Variants in CAT observed in about 807,000 individuals in gnomAD.
The protein encoded by CAT is catalase, also known as epididymis secretory sperm binding protein.
Under a neutral mutation model 59.0 loss-of-function variants are expected in CAT, and 43 were observed. That is an observed-to-expected ratio of 0.73 (90% confidence interval 0.57 to 0.94). The LOEUF is 0.94. Among genes scored for constraint, CAT ranks in the 40% least tolerant of loss-of-function variants. CAT has a pLI of 0.00. For synonymous variants in CAT, 218 were observed against 230.9 expected, an observed-to-expected ratio of 0.94 and a Z score of 0.51; for missense variants, 664 against 682.9, an observed-to-expected ratio of 0.97 and a Z score of 0.31.
At chr11:34,447,319 G>A (rs765339356) in intron 1 of CAT, among the ~76,000 whole-genome samples, 1 of 152,132 alleles carries the variant, frequency 6.6e-6, no homozygotes, top group Non-Finnish European at 1.5e-5. Context: ...GGTGATTTTA[G>A]TGCATTGCCA....
intron 2 of CAT, among the ~76,000 whole-genome samples, chr11:34,449,629 C>T (rs1434204588): frequency 1.3e-5 from 2 of 152,210 alleles, no homozygotes; most frequent in African/African-American, 4.8e-5. Flanking sequence ...TAAGTCCTCA[C>T]TTAACATCAA....
Position 34,451,099 on chromosome 11 carries a change from G to A in CAT, c.349+1G>A, listed in dbSNP as rs1453521724. 1.3e-6 allele frequency: 2 copies of A among 1,575,414 alleles called. No homozygotes were observed. Among genetic ancestry groups the A allele is most frequent in the Admixed American group, 1.7e-5 (1 of 59,988 alleles). ...ATCGCAGTTCGGTTCTCCACTGTTG[G>A]TAAGTTGGTTTATTGGCGTGATTGG... is the stretch of plus-strand genomic sequence containing the variant. On this transcript the variant is annotated splice_donor_variant, in intron 3 of 12. Coordinates refer to ENST00000241052, the MANE Select transcript of CAT (RefSeq NM_001752.4). LOFTEE classifies it high-confidence loss of function.
rs539018984 is a variant in CAT at position 34,467,260 on chromosome 11, T to C, written c.1327-1028T>C. ...CTGTGAAATAAAAAGTCAACAGATATAGTGACCCAGTCGATGTTTTCACGC... is the reference window on the plus strand; with the variant it reads ...CTGTGAAATAAAAAGTCAACAGATACAGTGACCCAGTCGATGTTTTCACGC... On this transcript the variant is annotated intron_variant, in intron 10 of 12. Coordinates refer to ENST00000241052, the MANE Select transcript of CAT (RefSeq NM_001752.4). Among the ~76,000 whole-genome samples, 5 of 152,312 alleles carry C rather than the reference T, an allele frequency of 3.3e-5. No homozygotes were observed. In the South Asian group the frequency reaches 1.0e-3, roughly 32 times the overall value.
chr11:34,460,117 A>G (rs2133856157), intron 8 of CAT, among the ~76,000 whole-genome samples: 1 of 152,330 alleles, frequency 6.6e-6, no homozygotes, highest in East Asian at 1.9e-4. Flanking sequence ...TTTAAGGTTC[A>G]AGGCCAATGA....
At position 34,465,321 on chromosome 11, in the gene CAT, G is replaced by A. The variant is rs184255376; in HGVS notation, c.1326+1086G>A. 7.9e-5 allele frequency among the ~76,000 whole-genome samples: 12 copies of A among 152,180 alleles called. No individual in the cohort carries two copies. In the East Asian group the frequency reaches 2.3e-3, roughly 29 times the overall value. ...ATATCTTTGCTTGAAAAGCATTTAC[G>A]TATATACATATATACGTATATATAA... On this transcript the variant is annotated intron_variant, in intron 10 of 12. Coordinates refer to ENST00000241052, the MANE Select transcript of CAT (RefSeq NM_001752.4).
intron 1 of CAT, among the ~76,000 whole-genome samples, chr11:34,439,728 C>G (rs1856363976): frequency 6.6e-6 from 1 of 152,126 alleles, no homozygotes; most frequent in Admixed American, 6.5e-5. Context: ...GTGCTAGGCA[C>G]TGTTCGGGGC....
chr11:34,456,749 G>A lies in CAT; in HGVS notation c.988G>A (p.Glu330Lys). Residue 330 changes from glutamate (E) to lysine (K), a missense_variant, in exon 8 of 13, where the codon GAA (glutamate) becomes AAA (lysine). Coordinates refer to ENST00000241052, the MANE Select transcript of CAT (RefSeq NM_001752.4). ...TCCAGTTAATTACTTTGCTGAGGTT[G>A]AACAGATAGCCTTCGACCCAAGCAA... Reference protein sequence around the residue: ...RNPVNYFAEVEQIAFDPSNMP... With the variant: ...RNPVNYFAEVKQIAFDPSNMP... 6.2e-7 allele frequency: 1 copy of A among 1,614,160 alleles called. No individual in the cohort carries two copies. Among genetic ancestry groups the A allele is most frequent in the Non-Finnish European group, 8.5e-7 (1 of 1,180,006 alleles).
chr11:34,455,934 C>A, intron 6 of CAT, 77 bp from the exon 7 acceptor site: 1 of 1,236,514 alleles, frequency 8.1e-7, no homozygotes, highest in Non-Finnish European at 1.2e-6. Context: ...ACTCATAATC[C>A]TTCAATGAAT....
chr11:34,438,943 A>AT lies in CAT; in HGVS notation c.-68dup. 1 of 1,372,326 alleles carries AT rather than the reference A, an allele frequency of 7.3e-7. No homozygotes were observed. Among genetic ancestry groups the AT allele is most frequent in the African/African-American group, 1.4e-5 (1 of 69,762 alleles). The allele number at this position is 1,372,326 out of a possible 1,614,324, so 85.0% of individuals were successfully genotyped here. On this transcript the variant is annotated 5_prime_UTR_variant, in exon 1 of 13. Coordinates refer to ENST00000241052, the MANE Select transcript of CAT (RefSeq NM_001752.4). ...GCCACGGACTCGGGGCAACAGGCAGATTTGCCTGCTGAGGGTGGAGACCCA... is the reference window on the plus strand; with the variant it reads ...GCCACGGACTCGGGGCAACAGGCAGATTTTGCCTGCTGAGGGTGGAGACCCA...
intron 1 of CAT, among the ~76,000 whole-genome samples, chr11:34,446,932 C>T (rs1394476305): frequency 6.6e-6 from 1 of 152,000 alleles, no homozygotes; most frequent in Non-Finnish European, 1.5e-5. Context: ...TTAGTAGAGA[C>T]AGGGTTTCTC....
In CAT at chr11:34,470,964, A is replaced by G; in HGVS notation, c.1441A>G (p.Asn481Asp). Residue 481 changes from asparagine (N) to aspartate (D), a missense_variant, in exon 12 of 13, where the codon AAC becomes GAC. Transcript: ENST00000241052. Reference sequence around the variant, plus strand: ...TATTTTCCTTTGGCCTTAGGTCAAGAACTTCACTGAGGTCCACCCTGACTA... The same window carrying G: ...TATTTTCCTTTGGCCTTAGGTCAAGGACTTCACTGAGGTCCACCCTGACTA... ...QIFIQKKAVK[N>D]FTEVHPDYGS... is the part of the protein sequence containing the mutation. 2 of 1,613,974 alleles carry G rather than the reference A, an allele frequency of 1.2e-6. No homozygotes were observed. Among genetic ancestry groups the G allele is most frequent in the Non-Finnish European group, 1.7e-6 (2 of 1,179,812 alleles).
At chr11:34,446,215 G>A (rs1012804226) in intron 1 of CAT, among the ~76,000 whole-genome samples, 51 of 152,070 alleles carry the variant, frequency 3.4e-4, no homozygotes, top group African/African-American at 1.2e-3. Context: ...GTTGCTGACT[G>A]TTGAAGCTTT....
In CAT at chr11:34,452,121, T is replaced by G. The variant is rs1590302161; in HGVS notation, c.394T>G (p.Phe132Val). The G allele has an allele frequency of 6.2e-7, 1 of 1,613,724 alleles. No homozygotes were observed. Among genetic ancestry groups the G allele is most frequent in the Non-Finnish European group, 8.5e-7 (1 of 1,179,766 alleles). Residue 132 changes from phenylalanine to valine, a missense_variant, in exon 4 of 13, where the codon TTT becomes GTT. By Grantham distance (50) the Phe-to-Val change is conservative (BLOSUM62 -1). Coordinates refer to ENST00000241052, the MANE Select transcript of CAT (RefSeq NM_001752.4). ...SADTVRDPRG[F>V]AVKFYTEDGN... is the part of the protein sequence containing the mutation. ...TGACACAGTTCGGGACCCTCGTGGG[T>G]TTGCAGTGAAATTTTACACAGAAGA...
At chr11:34,451,624 C>G (rs375510610) in intron 3 of CAT, among the ~76,000 whole-genome samples, 50 of 152,248 alleles carry the variant, frequency 3.3e-4, no homozygotes, top group Middle Eastern at 3.4e-3. Context: ...CTGTGTCAGT[C>G]TCTGCATTTT....
At chr11:34,454,940 G>A (rs1229560721) in intron 6 of CAT, among the ~76,000 whole-genome samples, 4 of 152,130 alleles carry the variant, frequency 2.6e-5, no homozygotes, top group Non-Finnish European at 4.4e-5. Flanking sequence ...AATATTACCA[G>A]CTATACAAGT....
intron 11 of CAT, among the ~76,000 whole-genome samples, chr11:34,469,921 C>T (rs1295219939): frequency 6.6e-6 from 1 of 152,166 alleles, no homozygotes; most frequent in African/African-American, 2.4e-5. Flanking sequence ...CCATCTTGGC[C>T]TCCCAAAGTG....
intron 10 of CAT, among the ~76,000 whole-genome samples, chr11:34,467,095 T>A (rs1454990835): frequency 6.6e-6 from 1 of 152,120 alleles, no homozygotes; most frequent in Non-Finnish European, 1.5e-5. Context: ...ACATGATAAT[T>A]GGAAAGAGGC....
rs966205655 is a variant in CAT, at chr11:34,464,649, G to A, written c.1326+414G>A. 7.2e-5 allele frequency among the ~76,000 whole-genome samples: 11 copies of A among 151,946 alleles called. 1 individual carries two copies. The highest frequency in any genetic ancestry group is 5.9e-5 in the Non-Finnish European group (4 of 67,990). ...GAGCCTCGGCCACAAGAGTGTGGGC[G>A]TTTCCACTGCAGGGCTCGTCCTTCA... On this transcript the variant is annotated intron_variant, in intron 10 of 12. Coordinates refer to ENST00000241052, the MANE Select transcript of CAT (RefSeq NM_001752.4).
chr11:34,470,197 C>A (rs1255674960), intron 11 of CAT, among the ~76,000 whole-genome samples: 1 of 152,052 alleles, frequency 6.6e-6, no homozygotes, highest in Non-Finnish European at 1.5e-5. Context: ...TGATAATTTG[C>A]TGGAAAGACT....
Sources: allele counts gnomAD v4.1 joint callset (sites outside exome capture counted in the v4.1 genomes callset), GRCh38; gene constraint gnomAD v4.1.1; transcripts MANE v1.5; gene names NCBI Gene and HGNC (gene_info 2026-07-23, HGNC 2026-07-21).